The following UGT3A2 variants were observed in gnomAD, a reference collection of about 807,000 sequenced individuals.
UGT3A2 encodes UDP-glycosyltransferase 3A2.
In UGT3A2, 32 loss-of-function variants were observed where a neutral mutation model predicts 39.8. The ratio of observed to expected loss-of-function variants is 0.80; its 90% CI spans 0.61 to 1.08. The LOEUF (loss-of-function observed/expected upper bound fraction) is 1.08. Among genes scored for constraint, UGT3A2 ranks in the 50% least tolerant of loss-of-function variants. UGT3A2 has a pLI of 0.00. For synonymous variants in UGT3A2, 241 were observed against 230.7 expected (o/e 1.04, Z -0.40); for missense variants, 611 against 637.1 (o/e 0.96, Z 0.44).
At chr5:36,039,832 T>C in intron 4 of UGT3A2, 124 bp from the exon 5 acceptor site, 1 of 727,064 alleles carries the variant, frequency 1.4e-6, no homozygotes, top group South Asian at 1.8e-5. Flanking sequence ...AAAGCTATTA[T>C]TATAGCTCCT....
At chr5:36,039,379 T>C in intron 5 of UGT3A2, 98 bp downstream of exon 5, 1 of 1,216,266 alleles carries the variant, frequency 8.2e-7, no homozygotes, top group Non-Finnish European at 1.2e-6. Context: ...CCTGTACCAT[T>C]CACCAGTGGG....
intron 4 of UGT3A2, among the ~76,000 whole-genome samples, chr5:36,044,466 G>A (rs562223656): frequency 6.6e-6 from 1 of 152,230 alleles, no homozygotes; most frequent in Non-Finnish European, 1.5e-5. Context: ...CATAGTACTG[G>A]AAGTTCTAGC....
rs1159529337 is a variant in UGT3A2, at chr5:36,056,891, T to G, written c.197-4907A>C. ...CATCTATATTTCTACAAAAAGCCTGTGTATGATGATTTATAGTCTCTAAGA... is the reference window on the plus strand; with the variant it reads ...CATCTATATTTCTACAAAAAGCCTGGGTATGATGATTTATAGTCTCTAAGA... On this transcript the variant is annotated intron_variant, in intron 2 of 6. Transcript: ENST00000282507. Among the ~76,000 whole-genome samples, 10 of 152,352 alleles carry G rather than the reference T, an allele frequency of 6.6e-5. No homozygotes were observed. In the East Asian group the frequency reaches 1.9e-3, roughly 29 times the overall value.
chr5:36,055,474 C>A (rs948542137), intron 2 of UGT3A2, among the ~76,000 whole-genome samples: 3 of 152,066 alleles, frequency 2.0e-5, no homozygotes, highest in Non-Finnish European at 2.9e-5. Context: ...TCAGGTGATC[C>A]GCCTGCATCA....
intron 4 of UGT3A2, among the ~76,000 whole-genome samples, chr5:36,042,730 G>A (rs1343245151): frequency 2.6e-5 from 4 of 151,890 alleles, no homozygotes; most frequent in Non-Finnish European, 5.9e-5. Context: ...AAAAGAAGGA[G>A]TAGCTATACT....
intron 2 of UGT3A2, among the ~76,000 whole-genome samples, chr5:36,054,717 A>C (rs1190584966): frequency 1.3e-5 from 2 of 152,178 alleles, no homozygotes; most frequent in African/African-American, 2.4e-5. Context: ...TGCCAGTCCC[A>C]AGACATTTTG....
intron 4 of UGT3A2, among the ~76,000 whole-genome samples, chr5:36,041,446 G>T (rs1469590684): frequency 1.3e-5 from 2 of 152,070 alleles, no homozygotes; most frequent in African/African-American, 4.8e-5. Context: ...GTGCTGTGTT[G>T]GTTTCAAGTG....
At chr5:36,041,259 C>T (rs1741998030) in intron 4 of UGT3A2, among the ~76,000 whole-genome samples, 2 of 152,066 alleles carry the variant, frequency 1.3e-5, no homozygotes, top group South Asian at 4.1e-4. Flanking sequence ...AATTCCAGGA[C>T]CCAGTTCCTG....
Position 36,048,885 on chromosome 5 carries a change from T to G in UGT3A2, c.843+4A>C, listed in dbSNP as rs770130170. The G allele has an allele frequency of 6.2e-7, 1 of 1,611,962 alleles. No individual in the cohort carries two copies. Among genetic ancestry groups the G allele is most frequent in the Non-Finnish European group, 8.5e-7 (1 of 1,178,380 alleles). On this transcript the variant is annotated splice_donor_region_variant and intron_variant, in intron 4 of 6. Coordinates refer to ENST00000282507, the MANE Select transcript of UGT3A2 (RefSeq NM_174914.4). Reference sequence around the variant, plus strand: ...CCCAAACTGAATGCTGAGGGTTCACTTACTTGTGGTACTGGTTTAATAGGT... The same window carrying G: ...CCCAAACTGAATGCTGAGGGTTCACGTACTTGTGGTACTGGTTTAATAGGT...
At chr5:36,059,421 G>T (rs1408435741) in intron 2 of UGT3A2, among the ~76,000 whole-genome samples, 4 of 124,124 alleles carry the variant, frequency 3.2e-5, no homozygotes, top group Non-Finnish European at 6.5e-5. Context: ...TTCAGGGTTT[G>T]AGAGAATTTT....
At position 36,049,247 on chromosome 5, in the gene UGT3A2, A is replaced by G. The variant is rs768101605; in HGVS notation, c.485T>C (p.Phe162Ser). 68 of 1,613,976 alleles carry G rather than the reference A, an allele frequency of 4.2e-5. No homozygotes were observed. In the South Asian group the frequency reaches 5.8e-4, roughly 14 times the overall value. Residue 162 changes from phenylalanine to serine, a missense_variant, in exon 4 of 7, where the codon TTT becomes TCT. Coordinates refer to ENST00000282507, the MANE Select transcript of UGT3A2 (RefSeq NM_174914.4). ...GAATGAAGTGGAAAGAATGGCCACA[A>G]ATGGCTTCCCAAGCTTCTCAGCAAT... ...FLIAEKLGKP[F>S]VAILSTSFGS...
intron 4 of UGT3A2, among the ~76,000 whole-genome samples, chr5:36,041,314 C>T (rs1013352792): frequency 2.0e-4 from 30 of 152,144 alleles, no homozygotes; most frequent in Non-Finnish European, 1.8e-4. Flanking sequence ...AAACCTGCTG[C>T]CCTAAAGGGA....
intron 4 of UGT3A2, among the ~76,000 whole-genome samples, chr5:36,046,560 A>G (rs1742171445): frequency 6.6e-6 from 1 of 152,202 alleles, no homozygotes; most frequent in African/African-American, 2.4e-5. Context: ...TAAAAATTAA[A>G]ACAATTAAAC....
intron 2 of UGT3A2, among the ~76,000 whole-genome samples, chr5:36,056,347 T>A (rs1343858261): frequency 1.3e-5 from 2 of 152,238 alleles, no homozygotes; most frequent in Non-Finnish European, 2.9e-5. Flanking sequence ...AAACCCAAGG[T>A]GGTCTGCACT....
At chr5:36,041,653 C>T (rs1742011030) in intron 4 of UGT3A2, among the ~76,000 whole-genome samples, 1 of 152,182 alleles carries the variant, frequency 6.6e-6, no homozygotes, top group Non-Finnish European at 1.5e-5. Flanking sequence ...GGTACTTCTA[C>T]AAGGCTGCAA....
chr5:36,066,590 C>CTGGAAAATCACG, intron 1 of UGT3A2, 106 bp downstream of exon 1: 2 of 1,581,458 alleles, frequency 1.3e-6, no homozygotes, highest in Non-Finnish European at 1.7e-6. Flanking sequence ...CAAGCCCAGC[C>CTGGAAAATCACG]TGGAAAATCA....
At chr5:36,066,628 C>G (rs567458939) in intron 1 of UGT3A2, 68 bp downstream of exon 1, 1 of 1,608,324 alleles carries the variant, frequency 6.2e-7, no homozygotes, top group Admixed American at 1.7e-5. Context: ...AAGCGCTGTT[C>G]TCTGGAGCCC....
intron 4 of UGT3A2, among the ~76,000 whole-genome samples, chr5:36,040,794 C>A (rs1054133473): frequency 2.0e-5 from 3 of 152,178 alleles, no homozygotes; most frequent in Admixed American, 1.3e-4. Flanking sequence ...CTGGAGTGCA[C>A]ATGACCTGGT....
chr5:36,059,139 A>C (rs1040541896), intron 2 of UGT3A2, among the ~76,000 whole-genome samples: 2 of 152,170 alleles, frequency 1.3e-5, no homozygotes, highest in Non-Finnish European at 2.9e-5. Context: ...GACACATAGC[A>C]TCCTACAGGG....
Sources: allele counts gnomAD v4.1 joint callset (sites outside exome capture counted in the v4.1 genomes callset), GRCh38; gene constraint gnomAD v4.1.1; transcripts MANE v1.5; gene names NCBI Gene and HGNC (gene_info 2026-07-23, HGNC 2026-07-21).